Variants in SPATA17 observed in about 807,000 individuals in gnomAD.
SPATA17 encodes spermatogenesis-associated protein 17.
In SPATA17, 53 loss-of-function variants were observed where a neutral mutation model predicts 62.2. The observed-to-expected ratio is 0.85, with a 90% confidence interval of 0.68 to 1.07. SPATA17 has a LOEUF of 1.07. SPATA17 is among the 50% of genes least tolerant of loss of function. SPATA17 has a pLI of 0.00. For missense variants in SPATA17, 466 were observed against 425.5 expected (o/e 1.10, Z -0.84); for synonymous variants, 146 against 146.8 (o/e 0.99, Z 0.04).
chr1:217,771,430 A>G (rs916448328), intron 6 of SPATA17, among the ~76,000 whole-genome samples: 1 of 152,138 alleles, frequency 6.6e-6, no homozygotes. Context: ...AATCAACAAG[A>G]AACCATTATT....
intron 9 of SPATA17, among the ~76,000 whole-genome samples, chr1:217,854,240 T>G (rs1325763848): frequency 1.3e-5 from 2 of 152,172 alleles, no homozygotes; most frequent in Non-Finnish European, 2.9e-5. Flanking sequence ...GTTTTCAATC[T>G]TGTCTACCTA....
In SPATA17 at chr1:217,737,673, T is replaced by C. The variant is rs548001320; in HGVS notation, c.396-4302T>C. Among the ~76,000 whole-genome samples, 14 of 152,058 alleles carry C rather than the reference T, an allele frequency of 9.2e-5. No homozygotes were observed. The South Asian group carries it at 2.9e-3, about 32-fold the overall frequency. ...CTGATTTTCTCCAGTGAGATATAGT[T>C]ATGAACAGTCAGCAGACAGCACTCC... On this transcript the variant is annotated intron_variant, in intron 5 of 10. Coordinates refer to ENST00000366933, the MANE Select transcript of SPATA17 (RefSeq NM_138796.4).
intron 4 of SPATA17, among the ~76,000 whole-genome samples, chr1:217,671,735 G>A (rs1254139017): frequency 6.6e-6 from 1 of 152,112 alleles, no homozygotes; most frequent in East Asian, 1.9e-4. Flanking sequence ...TGAGGGGAGC[G>A]AAGACTTAGG....
At chr1:217,850,008 G>A (rs1016562346) in intron 9 of SPATA17, among the ~76,000 whole-genome samples, 1 of 152,014 alleles carries the variant, frequency 6.6e-6, no homozygotes, top group Admixed American at 6.6e-5. Context: ...TATAATTTGG[G>A]GTCGCTGCTG....
At chr1:217,647,824 A>C (rs975579184) in intron 1 of SPATA17, among the ~76,000 whole-genome samples, 11 of 152,026 alleles carry the variant, frequency 7.2e-5, no homozygotes, top group Non-Finnish European at 1.3e-4. Flanking sequence ...CCCGGGTTCA[A>C]GCGATTCTTC....
At chr1:217,707,169 A>G (rs2102923762) in intron 5 of SPATA17, among the ~76,000 whole-genome samples, 1 of 151,796 alleles carries the variant, frequency 6.6e-6, no homozygotes, top group Non-Finnish European at 1.5e-5. Flanking sequence ...CTGGCCCTGT[A>G]TTTCATTGTT....
intron 5 of SPATA17, among the ~76,000 whole-genome samples, chr1:217,711,740 C>T (rs1671870294): frequency 1.3e-5 from 2 of 152,166 alleles, no homozygotes; most frequent in Non-Finnish European, 2.9e-5. Flanking sequence ...TGTTAGTCCA[C>T]AATGCAAGTC....
intron 8 of SPATA17, among the ~76,000 whole-genome samples, chr1:217,786,768 C>CTTCTTCTTT (rs1673879139): frequency 9.0e-6 from 1 of 110,906 alleles, no homozygotes; most frequent in African/African-American, 3.7e-5. Flanking sequence ...TCTTCTTCTT[C>CTTCTTCTTT]TTCTTCTTCT....
At chr1:217,667,329 G>A (rs569466090) in intron 3 of SPATA17, among the ~76,000 whole-genome samples, 1 of 152,136 alleles carries the variant, frequency 6.6e-6, no homozygotes, top group Admixed American at 6.5e-5. Context: ...TTACAGGCAT[G>A]AGCTACCATG....
rs111451832 is a variant in SPATA17 at position 217,643,096 on chromosome 1, G to T, written c.69-5786G>T. Among the ~76,000 whole-genome samples the T allele has an allele frequency of 7.2e-3, 1,102 of 152,150 alleles. 15 individuals are homozygous for T. Among genetic ancestry groups the T allele is most frequent in the African/African-American group, 0.025 (1,048 of 41,500 alleles). On this transcript the variant is annotated intron_variant, in intron 1 of 10. Coordinates refer to ENST00000366933, the MANE Select transcript of SPATA17 (RefSeq NM_138796.4). ...ATCTATACTTATTTCTCTACCTATT[G>T]ATGAACATATATATTAAAATTCATG... is the stretch of plus-strand genomic sequence containing the variant.
intron 9 of SPATA17, among the ~76,000 whole-genome samples, chr1:217,823,636 T>C (rs573093433): frequency 1.3e-5 from 2 of 152,070 alleles, no homozygotes; most frequent in East Asian, 3.9e-4. Flanking sequence ...ATTTGGTCTA[T>C]AGTACAGTTT....
rs931684801 is a variant in SPATA17 at position 217,801,850 on chromosome 1, G to C, written c.1005G>C (p.Lys335Asn). ...SENPKKWICD[K>N]DFQTVLPSFE... ...ATCCTAAGAAATGGATCTGTGACAA[G>C]GTGAGTTAACAAAACATTTTAAAAA... Residue 335 changes from lysine (K) to asparagine (N), a missense_variant and splice_region_variant, in exon 9 of 11, where the codon AAG becomes AAC. Physicochemically the swap from Lys to Asn is moderately conservative, Grantham distance 94 (BLOSUM62 0). Transcript: ENST00000366933. 6.3e-7 allele frequency: 1 copy of C among 1,597,932 alleles called. No individual in the cohort carries two copies. The highest frequency in any genetic ancestry group is 1.4e-5 in the African/African-American group (1 of 73,750).
intron 5 of SPATA17, among the ~76,000 whole-genome samples, chr1:217,722,408 T>C (rs1051917261): frequency 1.3e-5 from 2 of 152,040 alleles, no homozygotes; most frequent in African/African-American, 4.8e-5. Flanking sequence ...CATTATTTTC[T>C]GTAACTTTTT....
chr1:217,704,231 T>TC (rs1491221209), intron 5 of SPATA17, among the ~76,000 whole-genome samples: 34 of 28,888 alleles, frequency 1.2e-3, no homozygotes, highest in African/African-American at 3.3e-3. Flanking sequence ...TCCCTCTACC[T>TC]TTTTTTTTTT....
intron 1 of SPATA17, among the ~76,000 whole-genome samples, chr1:217,634,608 G>A (rs1005482986): frequency 5.3e-5 from 8 of 152,172 alleles, no homozygotes; most frequent in East Asian, 1.9e-4. Context: ...CTCCAGCTGC[G>A]TGACTCCCAA....
chr1:217,867,336 A>T lies in SPATA17; in HGVS notation c.*317A>T, dbSNP rs1398359571. ...TCTGACCCCATCACCCGGGTCACAA[A>T]TGATGACACCAGTGCTGGGTACCCA... is the stretch of plus-strand genomic sequence containing the variant. On this transcript the variant is annotated 3_prime_UTR_variant, in exon 11 of 11. Coordinates refer to ENST00000366933, the MANE Select transcript of SPATA17 (RefSeq NM_138796.4). 6.6e-6 allele frequency: 1 copy of T among 152,186 alleles called. No individual in the cohort carries two copies. The highest frequency in any genetic ancestry group is 1.5e-5 in the Non-Finnish European group (1 of 68,050). The allele number at this position is 152,186 out of a possible 1,614,324, so 9.4% of individuals were successfully genotyped here.
At chr1:217,731,951 T>C (rs767071037) in intron 5 of SPATA17, among the ~76,000 whole-genome samples, 50 of 152,200 alleles carry the variant, frequency 3.3e-4, no homozygotes, top group Non-Finnish European at 7.4e-5. Flanking sequence ...AAGAATCATT[T>C]ATTTTTAAAT....
At chr1:217,751,478 A>G (rs994362975) in intron 6 of SPATA17, among the ~76,000 whole-genome samples, 2 of 152,210 alleles carry the variant, frequency 1.3e-5, no homozygotes, top group Non-Finnish European at 2.9e-5. Flanking sequence ...CAGAATCATC[A>G]CATAATTTGT....
At chr1:217,866,839 C>CT (rs1676023546) in intron 10 of SPATA17, 183 bp from the exon 11 acceptor site, 2 of 146,622 alleles carry the variant, frequency 1.4e-5, no homozygotes, top group African/African-American at 5.0e-5. Context: ...TTCTGAAGTT[C>CT]CTTTTTTTTT....
Sources: gnomAD v4.1 joint callset for allele counts (sites outside exome capture counted in the v4.1 genomes callset) on GRCh38, gnomAD v4.1.1 for gene constraint, MANE v1.5 for transcripts, NCBI Gene and HGNC (gene_info 2026-07-23, HGNC 2026-07-21) for gene names.